CCNY: variants seen among roughly 807,000 people sequenced by gnomAD.
CCNY encodes cyclin Y, also known as cyclin-Y.
A neutral mutation model predicts 42.8 loss-of-function variants in CCNY; 19 were observed. The observed-to-expected ratio is 0.44, with a 90% CI of 0.31 to 0.65. The LOEUF is 0.65. Among genes scored for constraint, CCNY ranks in the 30% least tolerant of loss-of-function variants. The probability of loss-of-function intolerance (pLI) is 0.07; values close to 1 mark genes in which losing one functional copy is unlikely to be tolerated. For synonymous variants in CCNY, 165 were observed against 162.7 expected (o/e 1.01, Z -0.11); for missense variants, 370 against 437.3 (o/e 0.85, Z 1.37).
rs540302771 is a variant in CCNY, at chr10:35,498,393, A to G, written c.230-3108A>G. On this transcript the variant is annotated intron_variant, in intron 2 of 9. Transcript: ENST00000374704. ...AACCCTCCTAAATCCAAGTTCCCAG[A>G]TACCAGCCAAGGGCCAGCCTTGCAA... Among the ~76,000 whole-genome samples the G allele has an allele frequency of 8.5e-5, 13 of 152,338 alleles. No individual in the cohort carries two copies. The South Asian group carries it at 2.7e-3, about 32-fold the overall frequency.
intron 2 of CCNY, among the ~76,000 whole-genome samples, chr10:35,494,486 A>G (rs946252903): frequency 6.6e-6 from 1 of 152,176 alleles, no homozygotes; most frequent in Non-Finnish European, 1.5e-5. Flanking sequence ...AAATGTAACA[A>G]ATACAATCAT....
At chr10:35,433,815 G>A (rs867089463) in intron 1 of CCNY, among the ~76,000 whole-genome samples, 96 of 152,258 alleles carry the variant, frequency 6.3e-4, no homozygotes, top group African/African-American at 2.3e-3. Flanking sequence ...CACCATGTTG[G>A]CCAGGCTGGT....
intron 1 of CCNY, among the ~76,000 whole-genome samples, chr10:35,422,920 G>A (rs1326920635): frequency 6.6e-6 from 1 of 152,142 alleles, no homozygotes; most frequent in Admixed American, 6.5e-5. Context: ...CATAGTATTT[G>A]CTTTTATTTA....
chr10:35,337,326 G>T, intron 1 of CCNY, 119 bp downstream of exon 1: 1 of 1,092,860 alleles, frequency 9.2e-7, no homozygotes, highest in Middle Eastern at 3.3e-4. Context: ...TGCATAACCG[G>T]GGCTTCGCCC....
chr10:35,471,984 C>T (rs1456421363), intron 1 of CCNY, among the ~76,000 whole-genome samples: 1 of 152,226 alleles, frequency 6.6e-6, no homozygotes, highest in Non-Finnish European at 1.5e-5. Flanking sequence ...CAAGCCAGCA[C>T]TCCTTAGAGA....
chr10:35,344,089 T>C (rs557978252), intron 1 of CCNY, among the ~76,000 whole-genome samples: 34 of 152,350 alleles, frequency 2.2e-4, no homozygotes, highest in African/African-American at 7.5e-4. Flanking sequence ...TCTCATCCTC[T>C]TCAGATGTTG....
chr10:35,380,241 C>T (rs914295559), intron 1 of CCNY, among the ~76,000 whole-genome samples: 1 of 152,202 alleles, frequency 6.6e-6, no homozygotes, highest in African/African-American at 2.4e-5. Flanking sequence ...TTGGAGTCAG[C>T]TCAGGGTCCA....
chr10:35,369,676 A>G (rs1836886226), intron 1 of CCNY, among the ~76,000 whole-genome samples: 1 of 152,228 alleles, frequency 6.6e-6, no homozygotes, highest in Non-Finnish European at 1.5e-5. Context: ...AGCTGAAGAT[A>G]CATACAAATT....
intron 3 of CCNY, among the ~76,000 whole-genome samples, chr10:35,329,944 C>T (rs759298001): frequency 1.1e-4 from 16 of 152,108 alleles, no homozygotes; most frequent in Non-Finnish European, 1.9e-4. Flanking sequence ...ATTTTAATGT[C>T]GAATTATAGC....
chr10:35,455,474 T>G (rs1416219308), intron 1 of CCNY: 1 of 152,234 alleles, frequency 6.6e-6, no homozygotes, highest in Non-Finnish European at 1.5e-5. Flanking sequence ...GTGAGCTGGC[T>G]TGGTGGGAGG....
intron 3 of CCNY, among the ~76,000 whole-genome samples, chr10:35,506,241 A>G (rs1840211151): frequency 6.6e-6 from 1 of 152,226 alleles, no homozygotes; most frequent in South Asian, 2.1e-4. Flanking sequence ...ACTTTGAAAT[A>G]ATTTCAAATG....
chr10:35,321,608 G>A (rs1312823085), intron 3 of CCNY, among the ~76,000 whole-genome samples: 1 of 152,048 alleles, frequency 6.6e-6, no homozygotes, highest in African/African-American at 2.4e-5. Flanking sequence ...AGTCTGGGTG[G>A]TTGAGGATGC....
At chr10:35,557,097 C>T (rs1841376341) in intron 8 of CCNY, among the ~76,000 whole-genome samples, 1 of 152,000 alleles carries the variant, frequency 6.6e-6, no homozygotes, top group South Asian at 2.1e-4. Flanking sequence ...CTGCCCACCT[C>T]GGCCTTAATT....
intron 3 of CCNY, among the ~76,000 whole-genome samples, chr10:35,285,500 C>T (rs1835343004): frequency 6.6e-6 from 1 of 152,182 alleles, no homozygotes; most frequent in Non-Finnish European, 1.5e-5. Context: ...TCACAGCTCA[C>T]TGCAGCCTTG....
intron 1 of CCNY, among the ~76,000 whole-genome samples, chr10:35,411,512 C>CAAAAAA (rs59117826): frequency 1.6e-5 from 1 of 61,376 alleles, no homozygotes; most frequent in African/African-American, 6.3e-5. Context: ...AAGACTCTGT[C>CAAAAAA]AAAAAAAAAA....
At chr10:35,368,762 G>A (rs547098017) in intron 1 of CCNY, among the ~76,000 whole-genome samples, 3 of 152,332 alleles carry the variant, frequency 2.0e-5, no homozygotes, top group Non-Finnish European at 4.4e-5. Flanking sequence ...TGGGAATAAG[G>A]TAGAAGCTTT....
chr10:35,514,586 C>T (rs968948162), intron 3 of CCNY, among the ~76,000 whole-genome samples: 12 of 152,198 alleles, frequency 7.9e-5, no homozygotes, highest in Non-Finnish European at 1.5e-4. Flanking sequence ...TTCCCATGAC[C>T]CCGTGCATCA....
intron 1 of CCNY, among the ~76,000 whole-genome samples, chr10:35,424,834 T>C (rs1207803251): frequency 6.6e-6 from 1 of 152,226 alleles, no homozygotes; most frequent in Non-Finnish European, 1.5e-5. Context: ...TCCCTGACGC[T>C]GTTGCCAAGA....
chr10:35,495,325 T>C (rs952986047), intron 2 of CCNY, among the ~76,000 whole-genome samples: 5 of 152,254 alleles, frequency 3.3e-5, no homozygotes, highest in African/African-American at 4.8e-5. Context: ...AGCTGAAGTT[T>C]CTGTGCTTCT....
Sources: gnomAD v4.1 joint callset for allele counts (sites outside exome capture counted in the v4.1 genomes callset) on GRCh38, gnomAD v4.1.1 for gene constraint, MANE v1.5 for transcripts, NCBI Gene and HGNC (gene_info 2026-07-23, HGNC 2026-07-21) for gene names.